The following CNTN5 variants were observed in gnomAD, a reference collection of about 807,000 sequenced individuals.
The protein encoded by CNTN5 is contactin-5.
A neutral mutation model predicts 129.1 loss-of-function variants in CNTN5; 77 were observed. The ratio of observed to expected loss-of-function variants is 0.60; its 90% CI spans 0.50 to 0.72. The LOEUF is 0.72. Among genes scored for constraint, CNTN5 ranks in the 30% least tolerant of loss-of-function variants. The probability of loss-of-function intolerance (pLI) is 0.00; values close to 1 mark genes in which losing one functional copy is unlikely to be tolerated. For synonymous variants in CNTN5, 509 were observed against 465.6 expected (o/e 1.09, Z -1.20); for missense variants, 1,478 against 1,328.8 (o/e 1.11, Z -1.75).
Position 100,357,872 on chromosome 11 carries a change from G to T in CNTN5, c.*1652G>T, listed in dbSNP as rs188087753. The T allele has an allele frequency of 6.6e-6, 1 of 151,596 alleles. No homozygotes were observed. The highest frequency in any genetic ancestry group is 1.5e-5 in the Non-Finnish European group (1 of 67,776). The allele number at this position is 151,596 out of a possible 1,614,324, so 9.4% of individuals were successfully genotyped here. On this transcript the variant is annotated 3_prime_UTR_variant, in exon 25 of 25. Coordinates refer to ENST00000524871, the MANE Select transcript of CNTN5 (RefSeq NM_014361.4). ...TATGTAGGTTACATATTCTCTTTGG[G>T]GAAATGATGTAAGACACCCTAAACA...
intron 3 of CNTN5, among the ~76,000 whole-genome samples, chr11:99,717,062 T>A (rs1452139742): frequency 6.6e-6 from 1 of 152,086 alleles, no homozygotes; most frequent in African/African-American, 2.4e-5. Context: ...TTCCTTTTGC[T>A]TTTTACTCTA....
intron 15 of CNTN5, among the ~76,000 whole-genome samples, chr11:100,193,927 A>G (rs1338535873): frequency 1.3e-5 from 2 of 151,936 alleles, no homozygotes; most frequent in Non-Finnish European, 2.9e-5. Context: ...TTTACACAAT[A>G]CTTCTCAAAA....
At chr11:99,643,768 G>A (rs954078027) in intron 3 of CNTN5, among the ~76,000 whole-genome samples, 4 of 151,898 alleles carry the variant, frequency 2.6e-5, no homozygotes, top group South Asian at 2.1e-4. Context: ...CTAATGGAAT[G>A]GAATTGAGTT....
chr11:99,398,277 C>T (rs6590084), intron 2 of CNTN5, among the ~76,000 whole-genome samples: 1 of 151,756 alleles, frequency 6.6e-6, no homozygotes, highest in African/African-American at 2.4e-5. Flanking sequence ...AGGGTCAAAC[C>T]GTTTTTTCTC....
At chr11:99,358,006 A>T (rs1236698769) in intron 2 of CNTN5, among the ~76,000 whole-genome samples, 1 of 147,574 alleles carries the variant, frequency 6.8e-6, no homozygotes, top group Non-Finnish European at 1.5e-5. Flanking sequence ...TCTGTCTCAA[A>T]AATAATAATA....
chr11:99,652,761 CATT>C (rs1169227144), intron 3 of CNTN5, among the ~76,000 whole-genome samples: 4 of 151,948 alleles, frequency 2.6e-5, no homozygotes, highest in Admixed American at 2.6e-4. Flanking sequence ...ATTATATAAT[CATT>C]ATTTTGTGTG....
intron 6 of CNTN5, among the ~76,000 whole-genome samples, chr11:99,875,660 C>G (rs576458220): frequency 5.3e-5 from 8 of 152,232 alleles, no homozygotes; most frequent in Admixed American, 4.6e-4. Flanking sequence ...CTAAAGCATT[C>G]CATACCCAAA....
chr11:99,443,630 C>T (rs574524267), intron 2 of CNTN5, among the ~76,000 whole-genome samples: 4 of 152,042 alleles, frequency 2.6e-5, no homozygotes, highest in Non-Finnish European at 4.4e-5. Context: ...TTAGAGTATA[C>T]GACTGCTTGT....
chr11:99,460,244 A>C (rs1045410402), intron 2 of CNTN5, among the ~76,000 whole-genome samples: 1 of 151,580 alleles, frequency 6.6e-6, no homozygotes, highest in East Asian at 1.9e-4. Flanking sequence ...CTTAAATAGA[A>C]ATTTTTAAAG....
chr11:100,084,157 GC>G (rs1474454251), intron 13 of CNTN5, among the ~76,000 whole-genome samples: 2 of 152,124 alleles, frequency 1.3e-5, no homozygotes, highest in African/African-American at 4.8e-5. Flanking sequence ...TTCACAAGTT[GC>G]CTGGTTGTGC....
intron 1 of CNTN5, among the ~76,000 whole-genome samples, chr11:99,132,711 C>T (rs936405425): frequency 2.0e-5 from 3 of 152,068 alleles, no homozygotes; most frequent in Non-Finnish European, 4.4e-5. Flanking sequence ...AATGAAGGAC[C>T]TCTTCAAAGA....
chr11:100,308,740 A>T (rs1591501413), intron 21 of CNTN5: 2 of 1,046,530 alleles, frequency 1.9e-6, no homozygotes, highest in African/African-American at 3.4e-5. Flanking sequence ...CTACAGGTAG[A>T]TATTTAATTG....
intron 1 of CNTN5, among the ~76,000 whole-genome samples, chr11:99,224,641 C>T (rs958657339): frequency 1.1e-4 from 16 of 148,590 alleles, no homozygotes; most frequent in African/African-American, 4.0e-4. Flanking sequence ...TAAAGAGTCT[C>T]GTCTCCCAAG....
intron 3 of CNTN5, among the ~76,000 whole-genome samples, chr11:99,680,830 T>G (rs1245990776): frequency 6.6e-6 from 1 of 151,978 alleles, no homozygotes; most frequent in East Asian, 1.9e-4. Context: ...AATTACTCCT[T>G]GATCCATAGC....
chr11:100,294,341 A>C lies in CNTN5; in HGVS notation c.2315-3284A>C, dbSNP rs1951059770. On this transcript the variant is annotated intron_variant, in intron 18 of 24. Coordinates refer to ENST00000524871, the MANE Select transcript of CNTN5 (RefSeq NM_014361.4). Reference sequence around the variant, plus strand: ...TAAGGTAGTACACTATATTTTTTTCATTCTGTGTTTACAAGAATGCTTTCA... The same window carrying C: ...TAAGGTAGTACACTATATTTTTTTCCTTCTGTGTTTACAAGAATGCTTTCA... Among the ~76,000 whole-genome samples the C allele has an allele frequency of 3.3e-5, 5 of 151,708 alleles. No individual in the cohort carries two copies. The South Asian group carries it at 1.0e-3, about 31-fold the overall frequency.
chr11:99,938,649 C>T (rs542261238), intron 7 of CNTN5, among the ~76,000 whole-genome samples: 2 of 152,046 alleles, frequency 1.3e-5, no homozygotes, highest in African/African-American at 4.8e-5. Context: ...TCTCAAAAAT[C>T]TTCTTTATCT....
At chr11:99,032,907 C>A (rs993942918) in intron 1 of CNTN5, among the ~76,000 whole-genome samples, 2 of 139,304 alleles carry the variant, frequency 1.4e-5, no homozygotes, top group African/African-American at 5.8e-5. Context: ...TTAGGTCTAA[C>A]GTTTAAGTCT....
intron 2 of CNTN5, among the ~76,000 whole-genome samples, chr11:99,456,611 A>G (rs918302154): frequency 6.6e-6 from 1 of 152,094 alleles, no homozygotes; most frequent in Non-Finnish European, 1.5e-5. Flanking sequence ...AAAAAACTGT[A>G]GACTTTTCTT....
chr11:100,347,553 C>T (rs1455511212), intron 23 of CNTN5, among the ~76,000 whole-genome samples: 1 of 152,040 alleles, frequency 6.6e-6, no homozygotes, highest in Non-Finnish European at 1.5e-5. Flanking sequence ...ATGAAGCTGA[C>T]TTTTTGGAAA....
Sources: gnomAD v4.1 joint callset for allele counts (sites outside exome capture counted in the v4.1 genomes callset) on GRCh38, gnomAD v4.1.1 for gene constraint, MANE v1.5 for transcripts, NCBI Gene and HGNC (gene_info 2026-07-23, HGNC 2026-07-21) for gene names.